Variants in PAWR observed in about 807,000 individuals in gnomAD.
PAWR encodes PRKC apoptosis WT1 regulator protein.
In PAWR, 23 loss-of-function variants were observed where a neutral mutation model predicts 32.0. The ratio of observed to expected loss-of-function variants is 0.72; its 90% confidence interval spans 0.52 to 1.02. The LOEUF is 1.02. PAWR is among the 50% of genes least tolerant of loss of function. The pLI is 0.00. For missense variants in PAWR, 457 were observed against 437.7 expected (o/e 1.04, Z -0.39); for synonymous variants, 226 against 187.1 (o/e 1.21, Z -1.70).
At chr12:79,651,610 T>A (rs1876848998) in intron 2 of PAWR, among the ~76,000 whole-genome samples, 1 of 149,544 alleles carries the variant, frequency 6.7e-6, no homozygotes, top group Non-Finnish European at 1.5e-5. Flanking sequence ...GAGCCAGGCC[T>A]GGTAGCTCAT....
chr12:79,600,298 C>CTTAT (rs1873909472), intron 4 of PAWR, among the ~76,000 whole-genome samples: 2 of 152,020 alleles, frequency 1.3e-5, no homozygotes, highest in Non-Finnish European at 2.9e-5. Context: ...GTAAATCTGA[C>CTTAT]TTATAAATAA....
intron 2 of PAWR, among the ~76,000 whole-genome samples, chr12:79,646,801 A>C (rs549553655): frequency 2.6e-5 from 4 of 152,370 alleles, no homozygotes; most frequent in East Asian, 1.9e-4. Flanking sequence ...AAAAATGTAT[A>C]TAGCTAGTAT....
intron 2 of PAWR, among the ~76,000 whole-genome samples, chr12:79,635,217 C>T (rs1875903468): frequency 6.6e-6 from 1 of 152,084 alleles, no homozygotes. Context: ...TAATTCCCCT[C>T]ATAGCTTGGG....
At chr12:79,609,181 G>C (rs561639108) in intron 4 of PAWR, among the ~76,000 whole-genome samples, 27 of 152,276 alleles carry the variant, frequency 1.8e-4, no homozygotes, top group East Asian at 7.7e-4. Flanking sequence ...TAAAGTGGTA[G>C]TACAGTTTTA....
intron 4 of PAWR, among the ~76,000 whole-genome samples, chr12:79,603,365 A>G (rs1315926984): frequency 6.6e-6 from 1 of 152,130 alleles, no homozygotes; most frequent in Non-Finnish European, 1.5e-5. Flanking sequence ...AAGAAAATCA[A>G]CAGAGGAAGG....
At position 79,592,550 on chromosome 12, in the gene PAWR, CCATTAACATTCAAT is replaced by C. The variant is rs1250413689; in HGVS notation, c.*43_*56del. 1.9e-5 allele frequency: 14 copies of C among 729,172 alleles called. No individual in the cohort carries two copies. Among genetic ancestry groups the C allele is most frequent in the Non-Finnish European group, 3.5e-5 (14 of 403,006 alleles). The allele number at this position is 729,172 out of a possible 1,614,324, so 45.2% of individuals were successfully genotyped here. A position where few individuals can be genotyped will look rare whatever the true frequency, so the allele number is the denominator to read the frequency against. On this transcript the variant is annotated 3_prime_UTR_variant, in exon 7 of 7. Coordinates refer to ENST00000328827, the MANE Select transcript of PAWR (RefSeq NM_002583.4). ...CATAGGAATATTGTGCTAGCATTGA[CCATTAACATTCAAT>C]CAGTAGTTTAAAATATTTTTTCCAC... is the stretch of plus-strand genomic sequence containing the variant.
chr12:79,632,363 T>A (rs796952318), intron 2 of PAWR, among the ~76,000 whole-genome samples: 633 of 63,106 alleles, frequency 0.01, 5 homozygotes, highest in East Asian at 0.024. Context: ...ATATATATAT[T>A]TTTTTTTTTT....
At chr12:79,613,467 A>C (rs1874531353) in intron 4 of PAWR, 108 bp downstream of exon 4, 1 of 545,832 alleles carries the variant, frequency 1.8e-6, no homozygotes, top group Non-Finnish European at 3.3e-6. Flanking sequence ...GCACAGTAGA[A>C]AAGTTTCTTA....
chr12:79,667,493 T>C (rs1176514089), intron 2 of PAWR, among the ~76,000 whole-genome samples: 1 of 152,128 alleles, frequency 6.6e-6, no homozygotes, highest in Non-Finnish European at 1.5e-5. Flanking sequence ...ACAAGCTTTA[T>C]TCAACAGATA....
intron 2 of PAWR, among the ~76,000 whole-genome samples, chr12:79,675,621 C>T (rs1223680631): frequency 2.6e-5 from 4 of 152,064 alleles, no homozygotes; most frequent in African/African-American, 9.7e-5. Context: ...ATCCTAAGCA[C>T]ATTAATGCAG....
intron 2 of PAWR, chr12:79,632,132 C>CAAAAAAAAAAAAAAAAAAAA (rs59152885): frequency 1.2e-4 from 6 of 50,912 alleles, no homozygotes; most frequent in African/African-American, 3.9e-4. Flanking sequence ...GACTCTGTCT[C>CAAAAAAAAAAAAAAAAAAAA]AAAAAAAAAA....
At position 79,678,570 on chromosome 12, in the gene PAWR, C is replaced by G. The variant is rs1026844054; in HGVS notation, c.516+11159G>C. 3.9e-5 allele frequency among the ~76,000 whole-genome samples: 6 copies of G among 152,242 alleles called. No homozygotes were observed. The East Asian group carries it at 9.6e-4, about 24-fold the overall frequency. On this transcript the variant is annotated intron_variant, in intron 2 of 6. Transcript: ENST00000328827. ...CTTCTTTGAGGCTCAACTTCCTCAT[C>G]TTGTAAAATGATAAAAATAAAAACC... is the stretch of plus-strand genomic sequence containing the variant.
intron 2 of PAWR, among the ~76,000 whole-genome samples, chr12:79,627,409 T>C (rs985853792): frequency 1.3e-5 from 2 of 152,236 alleles, no homozygotes; most frequent in Non-Finnish European, 2.9e-5. Context: ...TGTCTGTTCA[T>C]ATCCTTCGCC....
intron 2 of PAWR, among the ~76,000 whole-genome samples, chr12:79,655,141 T>C (rs977217900): frequency 1.3e-5 from 2 of 152,202 alleles, no homozygotes; most frequent in Admixed American, 6.5e-5. Context: ...TGGAGGCTTG[T>C]TAAGAATAGA....
chr12:79,621,866 T>A (rs1875036225), intron 2 of PAWR, among the ~76,000 whole-genome samples: 3 of 152,136 alleles, frequency 2.0e-5, no homozygotes, highest in South Asian at 4.1e-4. Context: ...ACTTTCTACA[T>A]AAGAAAAACA....
chr12:79,645,726 G>C (rs947644183), intron 2 of PAWR, among the ~76,000 whole-genome samples: 1 of 152,120 alleles, frequency 6.6e-6, no homozygotes, highest in African/African-American at 2.4e-5. Flanking sequence ...CCCTATCAAT[G>C]ATAACATTAT....
intron 2 of PAWR, among the ~76,000 whole-genome samples, chr12:79,649,417 CATACA>C (rs566841741): frequency 1.3e-4 from 19 of 151,862 alleles, no homozygotes; most frequent in Admixed American, 2.6e-4. Context: ...ATATATATAA[CATACA>C]ATACATGTAT....
chr12:79,667,380 T>C (rs1358643079), intron 2 of PAWR, among the ~76,000 whole-genome samples: 1 of 152,202 alleles, frequency 6.6e-6, no homozygotes, highest in Non-Finnish European at 1.5e-5. Context: ...ATCAAACCTC[T>C]AGTTTAAATC....
intron 2 of PAWR, among the ~76,000 whole-genome samples, chr12:79,658,674 T>G (rs1877204934): frequency 6.6e-6 from 1 of 152,140 alleles, no homozygotes; most frequent in South Asian, 2.1e-4. Context: ...TTTAATTGTT[T>G]AAGTTTACAG....
Sources: gnomAD v4.1 joint callset for allele counts (sites outside exome capture counted in the v4.1 genomes callset) on GRCh38, gnomAD v4.1.1 for gene constraint, MANE v1.5 for transcripts, NCBI Gene and HGNC (gene_info 2026-07-23, HGNC 2026-07-21) for gene names.